Variants in ZBBX observed in about 807,000 individuals in gnomAD.
ZBBX encodes zinc finger B-box domain-containing protein 1.
In ZBBX, 101 loss-of-function variants were observed where a neutral mutation model predicts 108.5. The ratio of observed to expected loss-of-function variants is 0.93; its 90% CI spans 0.79 to 1.10. The LOEUF (loss-of-function observed/expected upper bound fraction) is 1.10. Among genes scored for constraint, ZBBX ranks in the 50% least tolerant of loss-of-function variants. ZBBX has a pLI of 0.00. For missense variants in ZBBX, 1,009 were observed against 941.4 expected (o/e 1.07, Z -0.94); for synonymous variants, 356 against 323.4 (o/e 1.10, Z -1.08).
At chr3:167,303,979 C>A (rs186495358) in intron 17 of ZBBX, among the ~76,000 whole-genome samples, 156 of 152,206 alleles carry the variant, frequency 1.0e-3, no homozygotes, top group Non-Finnish European at 1.8e-3. Context: ...GGTAATATTT[C>A]TCTCCTTATT....
At chr3:167,381,110 C>T (rs1320489881), upstream of ZBBX, among the ~76,000 whole-genome samples, 1 of 152,070 alleles carries the variant, frequency 6.6e-6, no homozygotes, top group Non-Finnish European at 1.5e-5. Flanking sequence ...CTAACTATTA[C>T]AGTTAATGTA....
chr3:167,179,467 A>T, the ZBBX span, among the ~76,000 whole-genome samples: 3 of 152,266 alleles, frequency 2.0e-5, no homozygotes, highest in Non-Finnish European at 1.5e-5. Context: ...GAAGAGGGGT[A>T]TGAGCCCTAA....
intron 20 of ZBBX, among the ~76,000 whole-genome samples, chr3:167,243,009 G>T (rs1450790345): frequency 2.6e-5 from 4 of 151,960 alleles, no homozygotes; most frequent in African/African-American, 9.7e-5. Context: ...TTTCTTATAA[G>T]AAATAAAAGC....
the ZBBX span, among the ~76,000 whole-genome samples, chr3:167,190,465 C>T: frequency 6.6e-6 from 1 of 151,128 alleles, no homozygotes. Flanking sequence ...ACTGCAAGCT[C>T]CGCCTCCCGG....
In ZBBX at chr3:167,359,936, T is replaced by C. The variant is rs756018873; in HGVS notation, c.366A>G (p.Ser122=). 6.3e-7 allele frequency: 1 copy of C among 1,592,628 alleles called. No homozygotes were observed. Among genetic ancestry groups the C allele is most frequent in the East Asian group, 2.3e-5 (1 of 43,816 alleles). Residue 122 remains serine, a synonymous_variant, in exon 8 of 22, where the codon TCA becomes TCG. Transcript: ENST00000675490. ...CATTTATCTTGGGTTTTTCACATTC[T>C]GAAGAATTTGCCATTTTATAATTAA... The part of the protein sequence containing the change: ...PTVNYKMANS[S]ECEKPKINGK...
In ZBBX at chr3:167,322,117, C is replaced by A; in HGVS notation, c.983G>T (p.Arg328Ile). The A allele has an allele frequency of 3.2e-6, 4 of 1,261,730 alleles. No homozygotes were observed. The highest frequency in any genetic ancestry group is 1.5e-5 in the African/African-American group (1 of 64,668). 78.2% of individuals were successfully genotyped at this position (1,261,730 alleles called of 1,614,324 possible). Residue 328 changes from arginine (R) to isoleucine (I), a missense_variant and splice_region_variant, in exon 12 of 22, where the codon AGA (arginine) becomes ATA (isoleucine). Arg to Ile is a moderately conservative substitution (Grantham distance 97). Transcript: ENST00000675490. ...ATAGTATTATAATTTCAGAAAATAC[C>A]TCCTGTGTTTTTTAAGCCATAATTT... ...MEKLWLKKHR[R>I]TPQEQLFKML...
intron 18 of ZBBX, among the ~76,000 whole-genome samples, chr3:167,295,752 TATATATAA>T (rs1290682249): frequency 0.12 from 1,868 of 15,622 alleles, 219 homozygotes; most frequent in Non-Finnish European, 0.15. Context: ...TATATATATA[TATATATAA>T]AAAAAACTAG....
At chr3:167,204,097 A>C in the ZBBX span, among the ~76,000 whole-genome samples, 1 of 152,158 alleles carries the variant, frequency 6.6e-6, no homozygotes, top group Non-Finnish European at 1.5e-5. Context: ...GTTCTATTGA[A>C]TATCACATGG....
At chr3:167,348,372 A>AAAGAAGAAAGAAAGAAAAG (rs1560163843) in intron 9 of ZBBX, among the ~76,000 whole-genome samples, 1 of 104,726 alleles carries the variant, frequency 9.5e-6, no homozygotes, top group African/African-American at 3.3e-5. Context: ...AAGAAAGAAA[A>AAAGAAGAAAGAAAGAAAAG]AAAAGAAAAG....
chr3:167,391,668 T>A (rs898756501), intron 1 of ZBBX, among the ~76,000 whole-genome samples: 24 of 152,036 alleles, frequency 1.6e-4, no homozygotes, highest in African/African-American at 5.5e-4. Flanking sequence ...CATGATTGAC[T>A]TTTAATTATT....
chr3:167,191,932 T>TAGAGAGAGAG, the ZBBX span, among the ~76,000 whole-genome samples: 16 of 128,040 alleles, frequency 1.2e-4, no homozygotes, highest in African/African-American at 4.8e-4. Context: ...TATATATATA[T>TAGAGAGAGAG]ATAGAGCAAG....
At chr3:167,213,775 C>T in the ZBBX span, among the ~76,000 whole-genome samples, 37 of 152,126 alleles carry the variant, frequency 2.4e-4, no homozygotes, top group African/African-American at 8.7e-4. Flanking sequence ...ATAAAGGCAG[C>T]TAGAAAGAAA....
At position 167,305,754 on chromosome 3, in the gene ZBBX, T is replaced by C; in HGVS notation, c.1614A>G (p.Glu538=). The change falls in exon 17 of 22, where the codon GAA becomes GAG. Residue 538 remains glutamate (E), a synonymous_variant. Coordinates refer to ENST00000675490, the MANE Select transcript of ZBBX (RefSeq NM_001199201.2). The part of the protein sequence containing the change: ...SKDTLLGRDL[E]KAPIEEKLSQ... ...ATAATTTCTCCTCAATGGGAGCTTTTTCTAAATCTCTACCTAGCAAAGTGT... is the reference window on the plus strand; with the variant it reads ...ATAATTTCTCCTCAATGGGAGCTTTCTCTAAATCTCTACCTAGCAAAGTGT... 1 of 1,612,802 alleles carries C rather than the reference T, an allele frequency of 6.2e-7. No homozygotes were observed. The highest frequency in any genetic ancestry group is 8.5e-7 in the Non-Finnish European group (1 of 1,179,472).
chr3:167,226,441 A>G, the ZBBX span, among the ~76,000 whole-genome samples: 3 of 151,728 alleles, frequency 2.0e-5, no homozygotes, highest in South Asian at 2.1e-4. Context: ...GAGTTGTGAG[A>G]AAGTTCTTCT....
intron 1 of ZBBX, among the ~76,000 whole-genome samples, chr3:167,394,790 G>A (rs1181894576): frequency 6.6e-6 from 1 of 152,018 alleles, no homozygotes; most frequent in Non-Finnish European, 1.5e-5. Context: ...TGACTTAAGT[G>A]CTCATAAATA....
intron 1 of ZBBX, among the ~76,000 whole-genome samples, chr3:167,389,486 A>G (rs1748024857): frequency 1.3e-5 from 2 of 152,270 alleles, no homozygotes; most frequent in Middle Eastern, 6.8e-3. Flanking sequence ...TCCTTTGGGT[A>G]TATACTCAGT....
intron 20 of ZBBX, among the ~76,000 whole-genome samples, chr3:167,266,646 C>T (rs569627037): frequency 1.8e-4 from 27 of 152,242 alleles, no homozygotes; most frequent in African/African-American, 6.5e-4. Flanking sequence ...ATAGGGATGA[C>T]GTTAAGGGTA....
chr3:167,312,392 C>A lies in ZBBX; in HGVS notation c.1417+1582G>T, dbSNP rs535364122. Among the ~76,000 whole-genome samples, 3 of 152,206 alleles carry A rather than the reference C, an allele frequency of 2.0e-5. No homozygotes were observed. In the South Asian group the frequency reaches 6.2e-4, roughly 32 times the overall value. On this transcript the variant is annotated intron_variant, in intron 16 of 21. Coordinates refer to ENST00000675490, the MANE Select transcript of ZBBX (RefSeq NM_001199201.2). ...ATTATACTTTTGTCAAAACTCATAG[C>A]ATGTACAATACCAAGAGTGAACTCT... is the stretch of plus-strand genomic sequence containing the variant.
chr3:167,183,197 A>G, the ZBBX span, among the ~76,000 whole-genome samples: 1 of 152,124 alleles, frequency 6.6e-6, no homozygotes, highest in Admixed American at 6.5e-5. Context: ...TTACTTCGTT[A>G]TACTCTCCTT....
Sources: gnomAD v4.1 joint callset for allele counts (sites outside exome capture counted in the v4.1 genomes callset) on GRCh38, gnomAD v4.1.1 for gene constraint, MANE v1.5 for transcripts, NCBI Gene and HGNC (gene_info 2026-07-23, HGNC 2026-07-21) for gene names.